The following TMCC3 variants were observed in gnomAD, a reference collection of about 807,000 sequenced individuals.
The protein encoded by TMCC3 is transmembrane and coiled-coil domain family 3, also known as transmembrane and coiled-coil domain protein 3.
Under a neutral mutation model 40.2 loss-of-function variants are expected in TMCC3, and 28 were observed. The ratio of observed to expected loss-of-function variants is 0.70; its 90% CI spans 0.52 to 0.95. TMCC3 has a LOEUF of 0.95. TMCC3 is among the 40% of genes least tolerant of loss of function. The pLI, the probability that TMCC3 is intolerant of heterozygous loss-of-function variation, is 0.00. For synonymous variants in TMCC3, 255 were observed against 248.5 expected, an observed-to-expected ratio of 1.03 and a Z score of -0.25; for missense variants, 554 against 615.2, an observed-to-expected ratio of 0.90 and a Z score of 1.05.
intron 1 of TMCC3, among the ~76,000 whole-genome samples, chr12:94,585,561 G>A (rs1337149425): frequency 6.6e-6 from 1 of 152,134 alleles, no homozygotes; most frequent in Admixed American, 6.5e-5. Flanking sequence ...GCCAGGCATG[G>A]TGGCACGTGC....
chr12:94,633,564 T>C (rs2068944638), intron 1 of TMCC3, among the ~76,000 whole-genome samples: 1 of 152,248 alleles, frequency 6.6e-6, no homozygotes, highest in African/African-American at 2.4e-5. Context: ...CCCCTCTTTG[T>C]GAAACAGTTG....
intron 1 of TMCC3, chr12:94,613,880 G>T (rs1401673329): frequency 6.6e-6 from 1 of 152,140 alleles, no homozygotes; most frequent in Admixed American, 6.5e-5. Flanking sequence ...GGATCACAAG[G>T]TCAGGAGATC....
intron 1 of TMCC3, among the ~76,000 whole-genome samples, chr12:94,635,374 C>T (rs1003507719): frequency 2.0e-5 from 3 of 152,104 alleles, no homozygotes; most frequent in African/African-American, 2.4e-5. Flanking sequence ...TCCCGAGCTG[C>T]GAGCTGCGAT....
At chr12:94,610,377 C>T (rs2651974) in intron 1 of TMCC3, among the ~76,000 whole-genome samples, 49,462 of 151,846 alleles carry the variant, frequency 0.33, 10,512 homozygotes, top group Non-Finnish European at 0.47. Context: ...GAAGAAAAAA[C>T]CATCTAGCCC....
intron 1 of TMCC3, among the ~76,000 whole-genome samples, chr12:94,611,290 G>T (rs1243963061): frequency 6.6e-6 from 1 of 152,128 alleles, no homozygotes; most frequent in Non-Finnish European, 1.5e-5. Context: ...GACTAAGCTG[G>T]AATTGCCAAG....
chr12:94,616,596 G>A (rs994557335), intron 1 of TMCC3, among the ~76,000 whole-genome samples: 1 of 152,222 alleles, frequency 6.6e-6, no homozygotes, highest in Non-Finnish European at 1.5e-5. Context: ...GTGGCCGGGG[G>A]AGAGACACAA....
chr12:94,649,779 G>C (rs1001855164), intron 1 of TMCC3, among the ~76,000 whole-genome samples: 1 of 152,276 alleles, frequency 6.6e-6, no homozygotes, highest in Admixed American at 6.5e-5. Flanking sequence ...ACAATGGCGA[G>C]GGCGCCTGCT....
chr12:94,572,357 C>T (rs1201684231), intron 3 of TMCC3, among the ~76,000 whole-genome samples: 1 of 119,070 alleles, frequency 8.4e-6, no homozygotes, highest in Non-Finnish European at 1.6e-5. Context: ...GTCACCCAGG[C>T]TGGAGTGCAG....
intron 3 of TMCC3, among the ~76,000 whole-genome samples, chr12:94,575,054 T>C (rs1328567073): frequency 6.6e-6 from 1 of 152,182 alleles, no homozygotes; most frequent in Non-Finnish European, 1.5e-5. Context: ...TTGGGGATGA[T>C]GACCATAAAA....
intron 1 of TMCC3, among the ~76,000 whole-genome samples, chr12:94,607,453 T>C (rs548737715): frequency 5.3e-5 from 8 of 152,350 alleles, no homozygotes; most frequent in Middle Eastern, 3.4e-3. Flanking sequence ...TGTTCAGAGA[T>C]TGCAGTAAAG....
At chr12:94,621,579 G>T (rs1319235069) in intron 1 of TMCC3, among the ~76,000 whole-genome samples, 1 of 152,212 alleles carries the variant, frequency 6.6e-6, no homozygotes, top group African/African-American at 2.4e-5. Flanking sequence ...TCTACTGGAG[G>T]TTCTGCAGTA....
At chr12:94,590,878 GTT>G (rs2068670327) in intron 1 of TMCC3, 1 of 574,924 alleles carries the variant, frequency 1.7e-6, no homozygotes, top group African/African-American at 1.9e-5. Context: ...GCCCCTGGAT[GTT>G]ATCGGGCTCA....
At chr12:94,617,425 C>A (rs1195153516) in intron 1 of TMCC3, among the ~76,000 whole-genome samples, 1 of 152,180 alleles carries the variant, frequency 6.6e-6, no homozygotes, top group Non-Finnish European at 1.5e-5. Context: ...AAGGAAATTC[C>A]TTTTGGGATT....
At chr12:94,590,285 T>TTTGG (rs1246281454) in intron 1 of TMCC3, among the ~76,000 whole-genome samples, 1 of 145,636 alleles carries the variant, frequency 6.9e-6, no homozygotes, top group Non-Finnish European at 1.5e-5. Flanking sequence ...TTTTTTTTTT[T>TTTGG]AGAAGAGATG....
intron 1 of TMCC3, among the ~76,000 whole-genome samples, chr12:94,586,057 T>C (rs2068636709): frequency 6.6e-6 from 1 of 152,218 alleles, no homozygotes; most frequent in African/African-American, 2.4e-5. Context: ...GAAGTTCTGC[T>C]CGCATAGCCC....
chr12:94,626,983 C>T (rs1274522), intron 1 of TMCC3, among the ~76,000 whole-genome samples: 24,300 of 152,024 alleles, frequency 0.16, 2,422 homozygotes, highest in Non-Finnish European at 0.23. Context: ...GGCTCAGCCT[C>T]CTGAGTAGCT....
At chr12:94,624,782 G>A (rs2068894405) in intron 1 of TMCC3, among the ~76,000 whole-genome samples, 3 of 152,074 alleles carry the variant, frequency 2.0e-5, no homozygotes, top group African/African-American at 7.2e-5. Flanking sequence ...CAACATGCGT[G>A]AACCTTTTAA....
chr12:94,591,211 T>C (rs1566319522), intron 1 of TMCC3: 1 of 201,432 alleles, frequency 5.0e-6, no homozygotes, highest in Non-Finnish European at 1.0e-5. Flanking sequence ...GAAACCTGCA[T>C]ACATTCTGAT....
chr12:94,606,037 G>A (rs986408650), intron 1 of TMCC3, among the ~76,000 whole-genome samples: 1 of 152,142 alleles, frequency 6.6e-6, no homozygotes, highest in Non-Finnish European at 1.5e-5. Flanking sequence ...AAAAAAACAA[G>A]TATGTGTGTA....
Sources: allele counts gnomAD v4.1 joint callset (sites outside exome capture counted in the v4.1 genomes callset), GRCh38; gene constraint gnomAD v4.1.1; transcripts MANE v1.5; gene names NCBI Gene and HGNC (gene_info 2026-07-23, HGNC 2026-07-21).